Variants in SFMBT1 observed in about 807,000 individuals in gnomAD.
SFMBT1 encodes the protein Scm like with four mbt domains 1, also known as scm-like with four MBT domains protein 1.
Under a neutral mutation model 108.7 loss-of-function variants are expected in SFMBT1, and 32 were observed. That is an observed-to-expected ratio of 0.29 (90% CI 0.22 to 0.40). The LOEUF (loss-of-function observed/expected upper bound fraction) is 0.40. Among genes scored for constraint, SFMBT1 ranks in the 10% least tolerant of loss-of-function variants. The pLI is 1.00. For synonymous variants in SFMBT1, 348 were observed against 369.5 expected, an observed-to-expected ratio of 0.94 and a Z score of 0.67; for missense variants, 816 against 1,059.6, an observed-to-expected ratio of 0.77 and a Z score of 3.19.
Position 52,907,149 on chromosome 3 carries a change from G to A in SFMBT1, c.2251C>T (p.Pro751Ser), listed in dbSNP as rs1415693207. The change falls in exon 19 of 21, where the codon CCT becomes TCT. Residue 751 changes from proline (P) to serine (S), a missense_variant. By Grantham distance (74) the Pro-to-Ser change is moderately conservative. This residue lies in a region of SFMBT1 where 177 missense variants were observed against 182.0 expected (regional missense o/e 0.97). Transcript: ENST00000394752. ...PTQSEISTSLPPDRQRRKREL... is the reference protein window; with the variant it reads ...PTQSEISTSLSPDRQRRKREL... ...CTTTTTCTCCTTTGTCTATCTGGAG[G>A]CAGCGATGTGGATATCTCACTTTGG... 1 of 1,614,166 alleles carries A rather than the reference G, an allele frequency of 6.2e-7. No homozygotes were observed. The highest frequency in any genetic ancestry group is 8.5e-7 in the Non-Finnish European group (1 of 1,180,022).
intron 1 of SFMBT1, chr3:53,044,931 C>G (rs1312963024): frequency 1.3e-5 from 2 of 152,384 alleles, no homozygotes; most frequent in Non-Finnish European, 2.9e-5. Flanking sequence ...TTGTGAAAAA[C>G]TTAGCATAAC....
Position 53,031,177 on chromosome 3 carries a change from G to C in SFMBT1, c.-131+14639C>G, listed in dbSNP as rs1407243010. ...GTGCATTGATTCCATTAACAACAGT[G>C]GGAGGCAAGTGGCTCCACTGGCTTG... On this transcript the variant is annotated intron_variant, in intron 1 of 20. Transcript: ENST00000394752. Among the ~76,000 whole-genome samples, 4 of 152,114 alleles carry C rather than the reference G, an allele frequency of 2.6e-5. 1 individual carries two copies. The South Asian group carries it at 6.2e-4, about 24-fold the overall frequency.
intron 1 of SFMBT1, among the ~76,000 whole-genome samples, chr3:52,996,893 C>T (rs915782615): frequency 6.7e-6 from 1 of 148,992 alleles, no homozygotes; most frequent in African/African-American, 2.4e-5. Flanking sequence ...AACGGTGAAA[C>T]CCCATCTCTA....
intron 3 of SFMBT1, among the ~76,000 whole-genome samples, chr3:52,950,475 T>G (rs764694060): frequency 6.6e-6 from 1 of 152,194 alleles, no homozygotes; most frequent in Non-Finnish European, 1.5e-5. Context: ...CTGTCATTAC[T>G]TTTTTTGTTT....
rs183557558 is a variant in SFMBT1 at position 52,982,013 on chromosome 3, T to C, written c.-130-12755A>G. 5.6e-3 allele frequency among the ~76,000 whole-genome samples: 850 copies of C among 152,238 alleles called. 11 individuals carry two copies. The highest frequency in any genetic ancestry group is 9.0e-3 in the Non-Finnish European group (613 of 68,002). ...TAAGGGTCTGCTTTTTCAAGTTCTT[T>C]TGATATTTGACAATGCCCCCAAGCC... On this transcript the variant is annotated intron_variant, in intron 1 of 20. Coordinates refer to ENST00000394752, the MANE Select transcript of SFMBT1 (RefSeq NM_016329.4).
chr3:53,030,144 T>C (rs1179120409), intron 1 of SFMBT1, among the ~76,000 whole-genome samples: 1 of 152,096 alleles, frequency 6.6e-6, no homozygotes, highest in Admixed American at 6.6e-5. Flanking sequence ...ATCCATGCAA[T>C]AAACTACTAG....
intron 15 of SFMBT1, among the ~76,000 whole-genome samples, chr3:52,913,233 T>TCTGACAGAAGACCTTTCTACC (rs1702258043): frequency 6.6e-6 from 1 of 152,246 alleles, no homozygotes; most frequent in East Asian, 1.9e-4. Context: ...TCTTCTGGTC[T>TCTGACAGAAGACCTTTCTACC]CTGACAGAAG....
chr3:52,960,488 AAAT>A (rs1703923628), intron 2 of SFMBT1, among the ~76,000 whole-genome samples: 1 of 152,202 alleles, frequency 6.6e-6, no homozygotes, highest in Admixed American at 6.5e-5. Flanking sequence ...AAAAGACAAA[AAAT>A]AATAAGTGTT....
chr3:52,943,650 G>C, intron 3 of SFMBT1, 57 bp from the exon 4 acceptor site: 2 of 1,608,508 alleles, frequency 1.2e-6, no homozygotes, highest in African/African-American at 1.3e-5. Context: ...GTATTTCTTT[G>C]ACCAATGTTC....
chr3:52,972,518 T>A (rs985165344), intron 1 of SFMBT1, among the ~76,000 whole-genome samples: 1 of 152,156 alleles, frequency 6.6e-6, no homozygotes, highest in Non-Finnish European at 1.5e-5. Flanking sequence ...TTTTCCTTTA[T>A]TTCCTGTTCA....
rs1393231007 is a variant in SFMBT1, at chr3:52,993,772, TTA to T, written c.-130-24516_-130-24515del. ...TAAAATAGCAAGCGCTCAATATAATTTATGTCAATTTTGTAACTTTTCTTATT... is the reference window on the plus strand; with the variant it reads ...TAAAATAGCAAGCGCTCAATATAATTTGTCAATTTTGTAACTTTTCTTATT... On this transcript the variant is annotated intron_variant, in intron 1 of 20. Transcript: ENST00000394752. Among the ~76,000 whole-genome samples, 11 of 150,172 alleles carry T rather than the reference TTA, an allele frequency of 7.3e-5. 1 individual carries two copies. Among genetic ancestry groups the T allele is most frequent in the Non-Finnish European group, 1.5e-5 (1 of 67,058 alleles).
Position 52,922,267 on chromosome 3 carries a change from G to T in SFMBT1, c.1132-436C>A, listed in dbSNP as rs866967532. 4.6e-5 allele frequency among the ~76,000 whole-genome samples: 7 copies of T among 152,260 alleles called. 1 individual carries two copies. In the Middle Eastern group the frequency reaches 0.01, roughly 222 times the overall value. ...AAAGCACCCTATCATACCACAAACTGCCTGGTTCATACTTGCATGTGTATC... is the reference window on the plus strand; with the variant it reads ...AAAGCACCCTATCATACCACAAACTTCCTGGTTCATACTTGCATGTGTATC... On this transcript the variant is annotated intron_variant, in intron 10 of 20. Transcript: ENST00000394752.
intron 1 of SFMBT1, among the ~76,000 whole-genome samples, chr3:53,014,854 C>G (rs564084742): frequency 8.2e-4 from 125 of 152,196 alleles, no homozygotes; most frequent in African/African-American, 2.8e-3. Context: ...GGAGGACCCC[C>G]AAAATGAAAG....
chr3:52,916,158 G>C lies in SFMBT1; in HGVS notation c.1472C>G (p.Thr491Arg), dbSNP rs756793367. The change falls in exon 14 of 21, where the codon ACA becomes AGA. Residue 491 changes from threonine to arginine, a missense_variant. This residue lies in a region of SFMBT1 where 495 missense variants were observed against 607.4 expected (regional missense o/e 0.81). Transcript: ENST00000394752. ...ATGACATGTGCTTATACCTGACTCT[G>C]TGGAGTTCAGCTCCTGATTCCTCAG... ...EGLRNQELNS[T>R]ESVMINGKYC... 6.2e-7 allele frequency: 1 copy of C among 1,613,884 alleles called. No homozygotes were observed. Among genetic ancestry groups the C allele is most frequent in the East Asian group, 2.2e-5 (1 of 44,868 alleles).
intron 1 of SFMBT1, among the ~76,000 whole-genome samples, chr3:52,992,129 T>C (rs975610408): frequency 6.6e-6 from 1 of 152,232 alleles, no homozygotes; most frequent in East Asian, 1.9e-4. Context: ...CCCATTGCTG[T>C]TGCCCACTCA....
chr3:52,910,953 T>G (rs1383750451), intron 17 of SFMBT1, 50 bp downstream of exon 17: 1 of 1,582,398 alleles, frequency 6.3e-7, no homozygotes, highest in African/African-American at 1.3e-5. Flanking sequence ...TTCCAAGATG[T>G]AAGGTATGGT....
intron 1 of SFMBT1, among the ~76,000 whole-genome samples, chr3:52,999,779 T>C (rs1698475200): frequency 6.7e-6 from 1 of 150,024 alleles, no homozygotes; most frequent in African/African-American, 2.4e-5. Flanking sequence ...TGAGTGCCCA[T>C]TCCTCTCCCT....
intron 1 of SFMBT1, among the ~76,000 whole-genome samples, chr3:52,970,597 G>A (rs556784740): frequency 6.6e-6 from 1 of 152,250 alleles, no homozygotes; most frequent in East Asian, 1.9e-4. Context: ...TGAACTAACT[G>A]CAAGAGCGAC....
intron 3 of SFMBT1, among the ~76,000 whole-genome samples, chr3:52,951,116 T>TAAAAA (rs60541061): frequency 0.02 from 1,608 of 81,124 alleles, 35 homozygotes; most frequent in African/African-American, 0.05. Flanking sequence ...ACTCTTATCT[T>TAAAAA]AAAAAAAAAA....
Sources: allele counts gnomAD v4.1 joint callset (sites outside exome capture counted in the v4.1 genomes callset), GRCh38; gene constraint gnomAD v4.1.1; regional missense constraint gnomAD v4.1.1; transcripts MANE v1.5; gene names NCBI Gene and HGNC (gene_info 2026-07-23, HGNC 2026-07-21).